Variants in TCERG1L observed in about 807,000 individuals in gnomAD.
TCERG1L encodes the protein transcription elongation regulator 1 like.
In TCERG1L, 37 loss-of-function variants were observed where a neutral mutation model predicts 56.3. The ratio of observed to expected loss-of-function variants is 0.66; its 90% CI spans 0.51 to 0.87. The LOEUF is 0.87. Among genes scored for constraint, TCERG1L ranks in the 40% least tolerant of loss-of-function variants. TCERG1L has a pLI of 0.00. For missense variants in TCERG1L, 799 were observed against 774.2 expected, an observed-to-expected ratio of 1.03 and a Z score of -0.38; for synonymous variants, 324 against 326.3, an observed-to-expected ratio of 0.99 and a Z score of 0.08.
chr10:131,131,988 C>T (rs1845623331), intron 8 of TCERG1L, among the ~76,000 whole-genome samples: 1 of 152,190 alleles, frequency 6.6e-6, no homozygotes, highest in Non-Finnish European at 1.5e-5. Flanking sequence ...GACTTATTGA[C>T]AATAACCTTC....
At chr10:131,168,271 T>G (rs572833745) in intron 4 of TCERG1L, among the ~76,000 whole-genome samples, 1 of 152,336 alleles carries the variant, frequency 6.6e-6, no homozygotes, top group South Asian at 2.1e-4. Flanking sequence ...GGGGTCCCAC[T>G]GGCACACCCC....
At chr10:131,198,740 G>C (rs56257755) in intron 4 of TCERG1L, among the ~76,000 whole-genome samples, 26,256 of 152,080 alleles carry the variant, frequency 0.17, 2,822 homozygotes, top group South Asian at 0.37. Flanking sequence ...GTATCCACTA[G>C]GCATTACTCT....
At chr10:131,268,415 G>A (rs1846307311) in intron 3 of TCERG1L, among the ~76,000 whole-genome samples, 1 of 152,184 alleles carries the variant, frequency 6.6e-6, no homozygotes, top group Non-Finnish European at 1.5e-5. Flanking sequence ...CATCGTTCTT[G>A]AGGGCCTTAG....
At chr10:131,191,026 G>C (rs925970537) in intron 4 of TCERG1L, among the ~76,000 whole-genome samples, 1 of 144,310 alleles carries the variant, frequency 6.9e-6, no homozygotes, top group African/African-American at 2.6e-5. Context: ...AAAGTCTCAG[G>C]TTGTAAAATC....
intron 4 of TCERG1L, among the ~76,000 whole-genome samples, chr10:131,253,346 T>C (rs2133534940): frequency 6.6e-6 from 1 of 152,232 alleles, no homozygotes; most frequent in South Asian, 2.1e-4. Flanking sequence ...TGTACTGGGA[T>C]TTAGGTAAAC....
chr10:131,275,684 G>A (rs917346914), intron 3 of TCERG1L, among the ~76,000 whole-genome samples: 2 of 152,052 alleles, frequency 1.3e-5, no homozygotes, highest in Admixed American at 1.3e-4. Context: ...ACTTACCCAC[G>A]TAACCAACAC....
chr10:131,264,982 G>A (rs532300457), intron 3 of TCERG1L, among the ~76,000 whole-genome samples: 6 of 152,118 alleles, frequency 3.9e-5, no homozygotes, highest in African/African-American at 1.4e-4. Flanking sequence ...CATGTCCTCC[G>A]ACTTCAGACT....
At chr10:131,287,130 T>C (rs1357630801) in intron 3 of TCERG1L, among the ~76,000 whole-genome samples, 1 of 152,250 alleles carries the variant, frequency 6.6e-6, no homozygotes. Context: ...CCATGTGATG[T>C]TAGCATTATA....
intron 4 of TCERG1L, among the ~76,000 whole-genome samples, chr10:131,197,327 G>A (rs1049688784): frequency 6.6e-6 from 1 of 151,830 alleles, no homozygotes; most frequent in Middle Eastern, 3.2e-3. Flanking sequence ...GACTACAGGC[G>A]CCCGCCACCA....
At chr10:131,104,534 C>G (rs891256295) in intron 9 of TCERG1L, among the ~76,000 whole-genome samples, 180 bp from the exon 10 acceptor site, 6 of 152,186 alleles carry the variant, frequency 3.9e-5, no homozygotes, top group Admixed American at 6.5e-5. Flanking sequence ...AAAACCAATA[C>G]TAGAACATCA....
In TCERG1L at chr10:131,115,230, G is replaced by A. The variant is rs192478047; in HGVS notation, c.1395+1569C>T. On this transcript the variant is annotated intron_variant, in intron 9 of 11. Transcript: ENST00000368642. The stretch of plus-strand genomic sequence containing the variant: ...CATCCACCAGGATAAAGAAGAGTCC[G>A]TGAAGGCACACGGTGATCACCCGGC... Among the ~76,000 whole-genome samples the A allele has an allele frequency of 4.0e-4, 61 of 152,360 alleles. No individual in the cohort carries two copies. The East Asian group carries it at 7.9e-3, about 20-fold the overall frequency.
At chr10:131,121,071 G>A (rs749335041) in intron 8 of TCERG1L, among the ~76,000 whole-genome samples, 7 of 152,158 alleles carry the variant, frequency 4.6e-5, no homozygotes, top group Non-Finnish European at 1.0e-4. Flanking sequence ...TGGTGTTCCC[G>A]CTAACACAAT....
intron 4 of TCERG1L, among the ~76,000 whole-genome samples, chr10:131,228,545 C>T (rs558232170): frequency 6.9e-5 from 2 of 28,862 alleles, no homozygotes; most frequent in Admixed American, 3.7e-4. Context: ...CAAGGCCTCA[C>T]GAGTCTCCCC....
At chr10:131,280,008 G>C (rs754398466) in intron 3 of TCERG1L, among the ~76,000 whole-genome samples, 2 of 152,174 alleles carry the variant, frequency 1.3e-5, no homozygotes, top group Non-Finnish European at 2.9e-5. Context: ...ATCAGAGAGA[G>C]GTCTCAGTTA....
intron 4 of TCERG1L, among the ~76,000 whole-genome samples, chr10:131,186,383 G>T (rs1401343378): frequency 6.6e-6 from 1 of 152,130 alleles, no homozygotes; most frequent in Non-Finnish European, 1.5e-5. Context: ...CAATAAAGAA[G>T]AGAAAAGGTA....
chr10:131,311,412 G>C lies in TCERG1L; in HGVS notation c.224C>G (p.Pro75Arg). ...CGGGGCCGGCCAGCCGGGGAGACCG[G>C]GGAGCAGCGGGGCCGCGGGCGGCGG... ...SAPPPAAPLL[P>R]GLPGWPAPSE... Residue 75 changes from proline (P) to arginine (R), a missense_variant, in exon 1 of 12, where the codon CCC becomes CGC. Coordinates refer to ENST00000368642, the MANE Select transcript of TCERG1L (RefSeq NM_174937.4). This position sits in a 1 kb window ranked among gnomAD's most constrained non-coding sequence, Gnocchi z 4.0. 8.5e-7 allele frequency: 1 copy of C among 1,181,066 alleles called. No homozygotes were observed. Among genetic ancestry groups the C allele is most frequent in the Non-Finnish European group, 1.0e-6 (1 of 956,630 alleles). 73.2% of individuals were successfully genotyped at this position (1,181,066 alleles called of 1,614,324 possible). A position where few individuals can be genotyped will look rare whatever the true frequency, so the allele number is the denominator to read the frequency against.
At chr10:131,172,958 T>C (rs1424368973) in intron 4 of TCERG1L, among the ~76,000 whole-genome samples, 2 of 151,668 alleles carry the variant, frequency 1.3e-5, no homozygotes, top group East Asian at 3.9e-4. Flanking sequence ...TGGCAAGATC[T>C]TGGCTCACTG....
At chr10:131,255,920 G>A (rs1450342307) in intron 4 of TCERG1L, among the ~76,000 whole-genome samples, 1 of 152,208 alleles carries the variant, frequency 6.6e-6, no homozygotes, top group Non-Finnish European at 1.5e-5. Context: ...TTCTCAGTAA[G>A]AATTCACTTA....
chr10:131,187,005 T>C lies in TCERG1L; in HGVS notation c.857-20120A>G, dbSNP rs541318523. Among the ~76,000 whole-genome samples the C allele has an allele frequency of 3.3e-5, 5 of 152,350 alleles. No individual in the cohort carries two copies. The East Asian group carries it at 9.7e-4, about 29-fold the overall frequency. On this transcript the variant is annotated intron_variant, in intron 4 of 11. Coordinates refer to ENST00000368642, the MANE Select transcript of TCERG1L (RefSeq NM_174937.4). ...CCACACCTCCAGCCCTTAGGTTGGC[T>C]GCCCTTCATCCCACAGGAGCTCTTT...
Sources: allele counts gnomAD v4.1 joint callset (sites outside exome capture counted in the v4.1 genomes callset), GRCh38; gene constraint gnomAD v4.1.1; non-coding constraint Gnocchi (gnomAD v3.1); transcripts MANE v1.5; gene names NCBI Gene and HGNC (gene_info 2026-07-23, HGNC 2026-07-21).